The following CCDC81 variants were observed in gnomAD, a reference collection of about 807,000 sequenced individuals.
CCDC81 encodes coiled-coil domain-containing protein 81.
A neutral mutation model predicts 83.7 loss-of-function variants in CCDC81; 79 were observed. The observed-to-expected ratio is 0.94, with a 90% confidence interval of 0.79 to 1.14. CCDC81 has a LOEUF of 1.14. Among genes scored for constraint, CCDC81 ranks in the 50% most tolerant of loss-of-function variants. CCDC81 has a pLI of 0.00. For synonymous variants in CCDC81, 252 were observed against 278.1 expected, an observed-to-expected ratio of 0.91 and a Z score of 0.93; for missense variants, 791 against 778.1, an observed-to-expected ratio of 1.02 and a Z score of -0.20.
intron 10 of CCDC81, 45 bp downstream of exon 10, chr11:86,409,410 T>C: frequency 2.0e-6 from 2 of 977,588 alleles, no homozygotes; most frequent in Non-Finnish European, 3.1e-6. Context: ...GGCCCATCTG[T>C]GAGCCTTTGG....
At position 86,397,645 on chromosome 11, in the gene CCDC81, C is replaced by G; in HGVS notation, c.660C>G (p.Asn220Lys). The G allele has an allele frequency of 6.2e-7, 1 of 1,612,670 alleles. No individual in the cohort carries two copies. Among genetic ancestry groups the G allele is most frequent in the Non-Finnish European group, 8.5e-7 (1 of 1,179,448 alleles). Residue 220 changes from asparagine (N) to lysine (K), a missense_variant, in exon 6 of 15, where the codon AAC (asparagine) becomes AAG (lysine). Coordinates refer to ENST00000445632, the MANE Select transcript of CCDC81 (RefSeq NM_001156474.2). ...GGATTGAGCTCAAGGAGATGGAAAA[C>G]AAACTGCCTATGGAGACCCTTGTAG... The part of the protein sequence containing the change: ...FPRIELKEME[N>K]KLPMETLVEE...
chr11:86,409,350 G>T lies in CCDC81; in HGVS notation c.1203G>T (p.Glu401Asp). The change falls in exon 10 of 15, where the codon GAG (glutamate) becomes GAT (aspartate). Residue 401 changes from glutamate to aspartate, a missense_variant. Transcript: ENST00000445632. ...AAGCTATAAGAAACCACAAGAATGA[G>T]AAACCGGAATTTTATGTAAGTCTTT... ...VAEAIRNHKNEKPEFYKSFLF... is the reference protein window; with the variant it reads ...VAEAIRNHKNDKPEFYKSFLF... The T allele has an allele frequency of 6.6e-7, 1 of 1,517,768 alleles. No homozygotes were observed. The highest frequency in any genetic ancestry group is 1.3e-5 in the South Asian group (1 of 75,830). 94.0% of individuals were successfully genotyped at this position (1,517,768 alleles called of 1,614,324 possible). A position where few individuals can be genotyped will look rare whatever the true frequency, so the allele number is the denominator to read the frequency against.
intron 13 of CCDC81, chr11:86,419,258 C>G (rs1565772894): frequency 6.6e-6 from 1 of 152,174 alleles, no homozygotes; most frequent in Non-Finnish European, 1.5e-5. Context: ...TAATCAGAAC[C>G]AGGCTTAAGG....
At chr11:86,399,836 C>T (rs1370505455) in intron 6 of CCDC81, among the ~76,000 whole-genome samples, 1 of 151,886 alleles carries the variant, frequency 6.6e-6, no homozygotes, top group African/African-American at 2.4e-5. Flanking sequence ...AAGACTACAA[C>T]ATTTGGCTGG....
At chr11:86,404,105 A>G (rs1948531992) in intron 7 of CCDC81, among the ~76,000 whole-genome samples, 1 of 152,216 alleles carries the variant, frequency 6.6e-6, no homozygotes, top group Non-Finnish European at 1.5e-5. Flanking sequence ...TTGGATCATA[A>G]GAAACCAGAT....
chr11:86,389,391 A>T (rs1247778186), intron 3 of CCDC81, among the ~76,000 whole-genome samples: 2 of 152,200 alleles, frequency 1.3e-5, no homozygotes, highest in Admixed American at 6.5e-5. Flanking sequence ...ACTGTTATAA[A>T]TAACTAGCTA....
rs559404735 is a variant in CCDC81 at position 86,387,965 on chromosome 11, C to T, written c.298+293C>T. Among the ~76,000 whole-genome samples, 4 of 152,172 alleles carry T rather than the reference C, an allele frequency of 2.6e-5. No homozygotes were observed. The South Asian group carries it at 8.3e-4, about 32-fold the overall frequency. On this transcript the variant is annotated intron_variant, in intron 3 of 14. Transcript: ENST00000445632. The stretch of plus-strand genomic sequence containing the variant: ...GAGCTGTAAGCCCTTTATTTCAGAT[C>T]CTAAGAAATTAAAAGTGGTTACAAA...
chr11:86,398,424 T>C (rs993307444), intron 6 of CCDC81, among the ~76,000 whole-genome samples: 1 of 152,190 alleles, frequency 6.6e-6, no homozygotes, highest in Non-Finnish European at 1.5e-5. Flanking sequence ...ATCACTTTGA[T>C]GTCTGTAGAA....
intron 11 of CCDC81, chr11:86,414,365 G>A: frequency 6.3e-6 from 1 of 157,518 alleles, no homozygotes; most frequent in Admixed American, 6.2e-5. Context: ...GGAGTGCAGT[G>A]GTGTGATTTT....
chr11:86,376,759 A>G (rs1390553047), intron 1 of CCDC81, among the ~76,000 whole-genome samples: 1 of 152,208 alleles, frequency 6.6e-6, no homozygotes, highest in Non-Finnish European at 1.5e-5. Context: ...AACATCCCTC[A>G]CCGGAGTGGT....
chr11:86,422,782 T>C lies in CCDC81; in HGVS notation c.*67T>C. 1 of 1,460,446 alleles carries C rather than the reference T, an allele frequency of 6.8e-7. No individual in the cohort carries two copies. The allele number at this position is 1,460,446 out of a possible 1,614,324, so 90.5% of individuals were successfully genotyped here. On this transcript the variant is annotated 3_prime_UTR_variant, in exon 15 of 15. Coordinates refer to ENST00000445632, the MANE Select transcript of CCDC81 (RefSeq NM_001156474.2). ...TCTTTTACATGTTTGGGGGTGATTG[T>C]GAAACTGCGTATTTTTACCTCAGAG... is the stretch of plus-strand genomic sequence containing the variant.
intron 1 of CCDC81, among the ~76,000 whole-genome samples, chr11:86,379,042 T>C (rs1024649191): frequency 6.6e-6 from 1 of 152,182 alleles, no homozygotes; most frequent in Non-Finnish European, 1.5e-5. Flanking sequence ...TGTACCCATC[T>C]TTATTTTCCA....
At chr11:86,401,137 T>A (rs1360588423) in intron 7 of CCDC81, among the ~76,000 whole-genome samples, 1 of 152,192 alleles carries the variant, frequency 6.6e-6, no homozygotes, top group Admixed American at 6.5e-5. Flanking sequence ...GCTTGGATAT[T>A]ATGATGTGAC....
At chr11:86,390,319 A>C (rs1425960794) in intron 3 of CCDC81, among the ~76,000 whole-genome samples, 1 of 152,152 alleles carries the variant, frequency 6.6e-6, no homozygotes, top group Non-Finnish European at 1.5e-5. Context: ...AGTCAAGAAC[A>C]TGGAATGAAG....
chr11:86,396,313 G>A (rs1388691087), intron 5 of CCDC81, among the ~76,000 whole-genome samples: 2 of 152,110 alleles, frequency 1.3e-5, no homozygotes, highest in African/African-American at 4.8e-5. Flanking sequence ...AAGCAACATG[G>A]TGCACTATTG....
chr11:86,419,174 C>G (rs1218241500), intron 13 of CCDC81: 1 of 152,184 alleles, frequency 6.6e-6, no homozygotes, highest in East Asian at 1.9e-4. Flanking sequence ...TCAACAGTTA[C>G]ATTTTGTGAA....
At chr11:86,404,864 A>G (rs1254437576) in intron 7 of CCDC81, among the ~76,000 whole-genome samples, 1 of 152,184 alleles carries the variant, frequency 6.6e-6, no homozygotes, top group African/African-American at 2.4e-5. Context: ...TTCCAAATGA[A>G]TAGAGGTTTG....
intron 7 of CCDC81, among the ~76,000 whole-genome samples, chr11:86,403,794 C>A (rs1948526330): frequency 6.6e-6 from 1 of 152,128 alleles, no homozygotes; most frequent in South Asian, 2.1e-4. Flanking sequence ...AAGGATAGGA[C>A]TTTCATTGTT....
intron 4 of CCDC81, among the ~76,000 whole-genome samples, chr11:86,394,681 A>AAAATTCAC (rs1948379208): frequency 6.6e-6 from 1 of 152,178 alleles, no homozygotes; most frequent in South Asian, 2.1e-4. Context: ...TTCACTTCAA[A>AAAATTCAC]GGCTTTTGTA....
Sources: gnomAD v4.1 joint callset for allele counts (sites outside exome capture counted in the v4.1 genomes callset) on GRCh38, gnomAD v4.1.1 for gene constraint, MANE v1.5 for transcripts, NCBI Gene and HGNC (gene_info 2026-07-23, HGNC 2026-07-21) for gene names.